Variants in ZNF106 observed in about 807,000 individuals in gnomAD.
ZNF106 encodes the protein zinc finger protein 106.
ZNF106 carries 67 observed loss-of-function variants against 195.1 expected under a neutral mutation model. That is an observed-to-expected ratio of 0.34 (90% CI 0.28 to 0.42). The LOEUF (loss-of-function observed/expected upper bound fraction) is 0.42, where lower values mean the gene tolerates loss of function less well. Ranked by LOEUF, ZNF106 falls within the 10% of genes least tolerant of loss-of-function variation. The pLI is 1.00. For missense variants in ZNF106, 2,118 were observed against 2,304.5 expected (o/e 0.92, Z 1.66); for synonymous variants, 784 against 818.6 (o/e 0.96, Z 0.72).
At chr15:42,476,716 C>A (rs918114253) in intron 1 of ZNF106, among the ~76,000 whole-genome samples, 1 of 151,688 alleles carries the variant, frequency 6.6e-6, no homozygotes, top group African/African-American at 2.4e-5. Flanking sequence ...CTGAGTACAC[C>A]GAGGAGGAAG....
In ZNF106 at chr15:42,446,529, A is replaced by AC. The variant is rs201722408; in HGVS notation, c.3205+59dup. 1.1e-3 allele frequency: 1,468 copies of AC among 1,383,256 alleles called. 10 individuals carry two copies. In the African/African-American group the frequency reaches 0.019, roughly 18 times the overall value. 85.7% of individuals were successfully genotyped at this position (1,383,256 alleles called of 1,614,324 possible). On this transcript the variant is annotated intron_variant, in intron 7 of 21. Coordinates refer to ENST00000564754, the MANE Select transcript of ZNF106 (RefSeq NM_001366845.3). ...GAGTTGGAGGTTACCAAAAACCCGC[A>AC]CCCCCCAAAAAAAACCAAAAAACAC...
chr15:42,444,317 A>G (rs2055680773), intron 8 of ZNF106, 55 bp from the exon 9 acceptor site: 3 of 1,386,830 alleles, frequency 2.2e-6, no homozygotes, highest in Non-Finnish European at 3.1e-6. Context: ...AAGGTCCTCT[A>G]GGTCTCCCCA....
chr15:42,474,974 A>C (rs2056755139), intron 1 of ZNF106, among the ~76,000 whole-genome samples: 1 of 152,136 alleles, frequency 6.6e-6, no homozygotes, highest in South Asian at 2.1e-4. Flanking sequence ...ATTCCTTAGG[A>C]GATTTTAAAA....
intron 1 of ZNF106, among the ~76,000 whole-genome samples, chr15:42,479,052 C>A (rs2056844855): frequency 6.6e-6 from 1 of 152,170 alleles, no homozygotes; most frequent in Non-Finnish European, 1.5e-5. Flanking sequence ...ATACTTGTGG[C>A]CTTTTACACA....
chr15:42,475,688 T>TTAC (rs1292759432), intron 1 of ZNF106, among the ~76,000 whole-genome samples: 8 of 152,218 alleles, frequency 5.3e-5, no homozygotes, highest in African/African-American at 1.9e-4. Flanking sequence ...TCAACTTTAA[T>TTAC]TACTACTTAC....
At chr15:42,472,914 G>A (rs886266921) in intron 1 of ZNF106, among the ~76,000 whole-genome samples, 1 of 151,528 alleles carries the variant, frequency 6.6e-6, no homozygotes, top group Non-Finnish European at 1.5e-5. Flanking sequence ...GGAGGCTAAG[G>A]CAGAATTGCT....
chr15:42,469,082 G>A (rs2056600883), intron 2 of ZNF106, among the ~76,000 whole-genome samples: 1 of 151,994 alleles, frequency 6.6e-6, no homozygotes, highest in Non-Finnish European at 1.5e-5. Flanking sequence ...CTACTCAGGA[G>A]GCTGAAGCAG....
At chr15:42,470,311 T>C (rs1464744151) in intron 2 of ZNF106, among the ~76,000 whole-genome samples, 1 of 152,176 alleles carries the variant, frequency 6.6e-6, no homozygotes, top group Non-Finnish European at 1.5e-5. Context: ...TACACTAGTT[T>C]GGGAAATTGG....
At chr15:42,486,600 T>C (rs1346243397) in intron 1 of ZNF106, among the ~76,000 whole-genome samples, 1 of 152,114 alleles carries the variant, frequency 6.6e-6, no homozygotes, top group Non-Finnish European at 1.5e-5. Flanking sequence ...TTTATTTCAA[T>C]GTTTAGTATT....
intron 19 of ZNF106, 40 bp from the exon 20 acceptor site, chr15:42,421,172 T>C: frequency 6.4e-7 from 1 of 1,567,996 alleles, no homozygotes; most frequent in Non-Finnish European, 8.8e-7. Flanking sequence ...CCAAAATACA[T>C]ACAAACTACA....
intron 14 of ZNF106, among the ~76,000 whole-genome samples, chr15:42,433,472 G>A (rs949652900): frequency 1.5e-5 from 2 of 135,276 alleles, no homozygotes; most frequent in South Asian, 2.4e-4. Context: ...TCTTTGCATT[G>A]TTCTTTTTTT....
chr15:42,438,576 C>T (rs1415933508), intron 12 of ZNF106, 36 bp downstream of exon 12: 1 of 1,566,122 alleles, frequency 6.4e-7, no homozygotes, highest in South Asian at 1.1e-5. Context: ...GCTTTTAATT[C>T]TGTGGTTAAC....
chr15:42,435,253 C>T, intron 14 of ZNF106, 131 bp downstream of exon 14: 1 of 1,266,104 alleles, frequency 7.9e-7, no homozygotes, highest in Non-Finnish European at 1.1e-6. Flanking sequence ...CAACAATGTG[C>T]TAAACATTGT....
intron 4 of ZNF106, among the ~76,000 whole-genome samples, chr15:42,456,273 G>A (rs945570519): frequency 1.3e-5 from 2 of 152,076 alleles, no homozygotes; most frequent in Admixed American, 6.5e-5. Context: ...TATACTATAC[G>A]ATTTATACAA....
chr15:42,490,044 AAAT>A (rs2057111682), intron 1 of ZNF106, among the ~76,000 whole-genome samples: 1 of 151,674 alleles, frequency 6.6e-6, no homozygotes, highest in Non-Finnish European at 1.5e-5. Flanking sequence ...GTCCTAAAAA[AAAT>A]AATAATAATA....
At chr15:42,438,742 C>CA in intron 11 of ZNF106, 75 bp from the exon 12 acceptor site, 1 of 1,406,614 alleles carries the variant, frequency 7.1e-7, no homozygotes, top group Non-Finnish European at 9.8e-7. Context: ...ATTTCTGACT[C>CA]AAAGGATTTT....
Position 42,439,433 on chromosome 15 carries a change from T to C in ZNF106, c.4144A>G (p.Lys1382Glu). ...GGAACATGGGCAGCCCGTAGACTTT[T>C]CTTCTTCCGGAGTTTCTTCTTTTTC... ...SKKKKKLRKKKSLRAAHVPEN... is the reference protein window; with the variant it reads ...SKKKKKLRKKESLRAAHVPEN... The change falls in exon 11 of 22, where the codon AAA becomes GAA. Residue 1382 changes from lysine (K) to glutamate (E), a missense_variant. By Grantham distance (56) the Lys-to-Glu change is moderately conservative. Transcript: ENST00000564754. The C allele has an allele frequency of 6.2e-7, 1 of 1,613,780 alleles. No individual in the cohort carries two copies. The highest frequency in any genetic ancestry group is 8.5e-7 in the Non-Finnish European group (1 of 1,179,962).
chr15:42,469,015 C>G (rs925386430), intron 2 of ZNF106, among the ~76,000 whole-genome samples: 3 of 151,900 alleles, frequency 2.0e-5, no homozygotes, highest in Admixed American at 6.6e-5. Context: ...GGTGAAACCC[C>G]GTCTCTACTA....
chr15:42,484,769 A>C (rs2056972947), intron 1 of ZNF106, among the ~76,000 whole-genome samples: 1 of 151,796 alleles, frequency 6.6e-6, no homozygotes, highest in Admixed American at 6.6e-5. Flanking sequence ...GCTGTCTGCA[A>C]TATAATTTCC....
Sources: allele counts gnomAD v4.1 joint callset (sites outside exome capture counted in the v4.1 genomes callset), GRCh38; gene constraint gnomAD v4.1.1; transcripts MANE v1.5; gene names NCBI Gene and HGNC (gene_info 2026-07-23, HGNC 2026-07-21).